RORA: variants seen among roughly 807,000 people sequenced by gnomAD.
RORA encodes nuclear receptor ROR-alpha.
RORA carries 7 observed loss-of-function variants against 69.5 expected under a neutral mutation model. That is an observed-to-expected ratio of 0.10 (90% CI 0.06 to 0.19). The LOEUF is 0.19. Ranked by LOEUF, RORA falls within the 10% of genes least tolerant of loss-of-function variation. The probability of loss-of-function intolerance (pLI) is 1.00; values close to 1 mark genes in which losing one functional copy is unlikely to be tolerated. For missense variants in RORA, 457 were observed against 663.0 expected (o/e 0.69, Z 3.41); for synonymous variants, 261 against 240.8 (o/e 1.08, Z -0.78).
intron 1 of RORA, among the ~76,000 whole-genome samples, chr15:60,688,189 G>A (rs1257718310): frequency 6.6e-6 from 1 of 151,890 alleles, no homozygotes; most frequent in African/African-American, 2.4e-5. Context: ...AGACAATGAT[G>A]TTCCAGCTGC....
At chr15:60,823,522 G>A (rs341376) in intron 1 of RORA, among the ~76,000 whole-genome samples, 37,193 of 152,132 alleles carry the variant, frequency 0.24, 4,619 homozygotes, top group Admixed American at 0.31. Flanking sequence ...CCTCATGCCT[G>A]GCACACAGTG....
At chr15:60,515,400 G>A (rs1336370286) in intron 3 of RORA, among the ~76,000 whole-genome samples, 1 of 143,274 alleles carries the variant, frequency 7.0e-6, no homozygotes, top group Non-Finnish European at 1.5e-5. Flanking sequence ...GGCCTTTAAA[G>A]ATGGAACAAA....
At chr15:61,207,736 G>A (rs2079955195) in intron 1 of RORA, among the ~76,000 whole-genome samples, 1 of 152,186 alleles carries the variant, frequency 6.6e-6, no homozygotes, top group Non-Finnish European at 1.5e-5. Context: ...AATCCTGAAA[G>A]TGACATTACT....
intron 1 of RORA, among the ~76,000 whole-genome samples, chr15:60,935,545 T>C (rs1383717169): frequency 6.6e-6 from 1 of 152,248 alleles, no homozygotes; most frequent in Non-Finnish European, 1.5e-5. Context: ...GGCTACATAT[T>C]ACTCTAATGC....
At chr15:60,611,549 T>C (rs1003734357) in intron 2 of RORA, among the ~76,000 whole-genome samples, 1 of 47,042 alleles carries the variant, frequency 2.1e-5, no homozygotes, top group African/African-American at 1.0e-4. Flanking sequence ...TCAAACAATC[T>C]TGAGTTTTGC....
intron 1 of RORA, among the ~76,000 whole-genome samples, chr15:61,227,671 C>T (rs1596087182): frequency 1.3e-5 from 2 of 152,048 alleles, no homozygotes; most frequent in Non-Finnish European, 1.5e-5. Context: ...TTCCTGGGGC[C>T]CCCATTCGCC....
intron 1 of RORA, among the ~76,000 whole-genome samples, chr15:61,134,112 T>C (rs2079215611): frequency 6.6e-6 from 1 of 152,330 alleles, no homozygotes; most frequent in South Asian, 2.1e-4. Flanking sequence ...GAACTGTTAT[T>C]TGGGACTCAG....
intron 2 of RORA, among the ~76,000 whole-genome samples, chr15:60,582,191 AATTT>A (rs2068213778): frequency 6.6e-6 from 1 of 152,176 alleles, no homozygotes; most frequent in Non-Finnish European, 1.5e-5. Flanking sequence ...CTTGTTCTTA[AATTT>A]ATTTAAATAG....
At chr15:60,724,713 G>C (rs1273631874) in intron 1 of RORA, among the ~76,000 whole-genome samples, 1 of 152,228 alleles carries the variant, frequency 6.6e-6, no homozygotes, top group East Asian at 1.9e-4. Flanking sequence ...CTTAAGAAAA[G>C]AGTGGGTCTT....
chr15:60,562,410 AT>A (rs200001389), intron 2 of RORA, among the ~76,000 whole-genome samples: 9 of 129,086 alleles, frequency 7.0e-5, no homozygotes, highest in Admixed American at 7.9e-5. Context: ...TAGTTTTTAC[AT>A]TTTTTTTTTG....
At chr15:60,741,979 C>A (rs376970673) in intron 1 of RORA, among the ~76,000 whole-genome samples, 1 of 152,136 alleles carries the variant, frequency 6.6e-6, no homozygotes, top group Non-Finnish European at 1.5e-5. Context: ...CTCCACTGGA[C>A]AAAAGTTTCT....
intron 2 of RORA, among the ~76,000 whole-genome samples, chr15:60,624,169 A>T (rs1167198131): frequency 2.6e-5 from 4 of 152,138 alleles, no homozygotes; most frequent in Non-Finnish European, 5.9e-5. Context: ...AACATTGGAA[A>T]GAAACATCAG....
chr15:61,012,396 C>T (rs954922628), intron 1 of RORA, among the ~76,000 whole-genome samples: 1 of 152,136 alleles, frequency 6.6e-6, no homozygotes, highest in Admixed American at 6.5e-5. Context: ...TTCCTCTTGC[C>T]TTATTCTCTC....
At chr15:61,037,332 A>G (rs984168489) in intron 1 of RORA, among the ~76,000 whole-genome samples, 1 of 152,212 alleles carries the variant, frequency 6.6e-6, no homozygotes, top group African/African-American at 2.4e-5. Flanking sequence ...GCAGATTCCA[A>G]CCAAACCAAT....
intron 1 of RORA, among the ~76,000 whole-genome samples, chr15:61,119,445 T>C (rs1460949896): frequency 1.3e-5 from 2 of 151,236 alleles, no homozygotes; most frequent in South Asian, 2.1e-4. Flanking sequence ...CACACAAATA[T>C]ATATATACAC....
intron 1 of RORA, among the ~76,000 whole-genome samples, chr15:60,830,519 C>A (rs2073028293): frequency 6.6e-6 from 1 of 152,202 alleles, no homozygotes; most frequent in East Asian, 1.9e-4. Flanking sequence ...TTAACTAAGG[C>A]AGATTTATTG....
At chr15:60,924,634 G>A (rs554004676) in intron 1 of RORA, among the ~76,000 whole-genome samples, 2 of 152,248 alleles carry the variant, frequency 1.3e-5, no homozygotes, top group East Asian at 1.9e-4. Context: ...AGTAAAGCAC[G>A]AATACACAGG....
chr15:61,206,314 C>CATT (rs2079941058), intron 1 of RORA, among the ~76,000 whole-genome samples: 1 of 152,120 alleles, frequency 6.6e-6, no homozygotes, highest in Non-Finnish European at 1.5e-5. Flanking sequence ...AAGCGTCAGG[C>CATT]ATTATTGTGA....
intron 3 of RORA, among the ~76,000 whole-genome samples, chr15:60,516,215 ATATATATT>A (rs1567052566): frequency 4.7e-3 from 51 of 10,824 alleles, no homozygotes; most frequent in African/African-American, 0.016. Flanking sequence ...ATATTTATAT[ATATATATT>A]TATATATATA....
Sources: gnomAD v4.1 joint callset for allele counts (sites outside exome capture counted in the v4.1 genomes callset) on GRCh38, gnomAD v4.1.1 for gene constraint, MANE v1.5 for transcripts, NCBI Gene and HGNC (gene_info 2026-07-23, HGNC 2026-07-21) for gene names.